ZNF334: variants seen among roughly 807,000 people sequenced by gnomAD.
ZNF334 encodes the protein zinc finger protein 334.
A neutral mutation model predicts 12.4 loss-of-function variants in ZNF334; 14 were observed. The ratio of observed to expected loss-of-function variants is 1.13; its 90% CI spans 0.74 to 1.76. ZNF334 has a LOEUF of 1.76. Ranked by LOEUF, ZNF334 falls within the 40% of genes most tolerant of loss-of-function variation. ZNF334 has a pLI of 0.00. For missense variants in ZNF334, 797 were observed against 804.5 expected, an observed-to-expected ratio of 0.99 and a Z score of 0.11; for synonymous variants, 273 against 269.6, an observed-to-expected ratio of 1.01 and a Z score of -0.12.
At chr20:46,478,837 T>C in the ZNF334 span, among the ~76,000 whole-genome samples, 1 of 152,098 alleles carries the variant, frequency 6.6e-6, no homozygotes, top group South Asian at 2.1e-4. Flanking sequence ...TTTCACCCCG[T>C]TGGGTCTTTG....
chr20:46,485,535 G>A, the ZNF334 span: 208 of 152,022 alleles, frequency 1.4e-3, no homozygotes, highest in African/African-American at 3.9e-3. Flanking sequence ...TTACCATCTA[G>A]TTGGAAAGAG....
At chr20:46,484,015 A>C in the ZNF334 span, among the ~76,000 whole-genome samples, 1 of 152,224 alleles carries the variant, frequency 6.6e-6, no homozygotes, top group African/African-American at 2.4e-5. Context: ...TGACTGATTT[A>C]TAATACTGGT....
Position 46,502,263 on chromosome 20 carries a change from C to A in ZNF334, c.1076G>T (p.Ser359Ile). The change falls in exon 5 of 5, where the codon AGC becomes ATC. Residue 359 changes from serine to isoleucine, a missense_variant. Physicochemically the swap from Ser to Ile is moderately radical, Grantham distance 142. Transcript: ENST00000692313. The stretch of plus-strand genomic sequence containing the variant: ...ATGTACAACAAGATACGATTTCTTG[C>A]TGAAGGCATTTCCACATTCCTTGCA... ...YECKECGNAF[S>I]KKSYLVVHQR... 16 of 1,614,060 alleles carry A rather than the reference C, an allele frequency of 9.9e-6. No individual in the cohort carries two copies. The highest frequency in any genetic ancestry group is 1.3e-5 in the Non-Finnish European group (15 of 1,179,990).
intron 2 of ZNF334, among the ~76,000 whole-genome samples, chr20:46,510,970 T>C (rs555146110): frequency 5.3e-5 from 8 of 151,516 alleles, no homozygotes; most frequent in African/African-American, 1.5e-4. Flanking sequence ...GAGGCAGAAA[T>C]ACCTCAGAGC....
At chr20:46,485,437 T>C in the ZNF334 span, 1 of 144,928 alleles carries the variant, frequency 6.9e-6, no homozygotes, top group African/African-American at 2.6e-5. Context: ...AAGGTTTTTT[T>C]TGTTTTTTTT....
At chr20:46,511,229 TAA>T (rs11288508) in intron 2 of ZNF334, among the ~76,000 whole-genome samples, 3,601 of 132,080 alleles carry the variant, frequency 0.027, 137 homozygotes, top group African/African-American at 0.09. Flanking sequence ...TCATCTCAAT[TAA>T]AAAAAAAAAA....
At chr20:46,476,179 T>A in the ZNF334 span, 1 of 152,220 alleles carries the variant, frequency 6.6e-6, no homozygotes, top group East Asian at 1.9e-4. Context: ...AATATTTATA[T>A]AACATTCTTG....
chr20:46,481,480 T>C, the ZNF334 span: 3 of 152,362 alleles, frequency 2.0e-5, no homozygotes, highest in South Asian at 6.2e-4. Context: ...AGAGGAGTCA[T>C]TAGCACAGGT....
chr20:46,482,956 A>G, the ZNF334 span, among the ~76,000 whole-genome samples: 1 of 152,114 alleles, frequency 6.6e-6, no homozygotes, highest in Non-Finnish European at 1.5e-5. Flanking sequence ...ACATATTCTT[A>G]AACTTTAAGA....
At chr20:46,491,407 A>C in the ZNF334 span, 1 of 152,732 alleles carries the variant, frequency 6.5e-6, no homozygotes, top group African/African-American at 2.4e-5. Flanking sequence ...AATATTATAC[A>C]TGTAATTATT....
chr20:46,502,680 T>A lies in ZNF334; in HGVS notation c.659A>T (p.Lys220Met). The A allele has an allele frequency of 6.2e-7, 1 of 1,612,800 alleles. No individual in the cohort carries two copies. Among genetic ancestry groups the A allele is most frequent in the Non-Finnish European group, 8.5e-7 (1 of 1,179,958 alleles). ...CTTTTGTGTAATGAGAATTGCCCTC[T>A]TGAAGAAGGTTTTCCCACATTTATT... ...DYNKCGKTFFKRAILITQKGR... is the reference protein window; with the variant it reads ...DYNKCGKTFFMRAILITQKGR... The change falls in exon 5 of 5, where the codon AAG (lysine) becomes ATG (methionine). Residue 220 changes from lysine to methionine, a missense_variant. Coordinates refer to ENST00000692313, the MANE Select transcript of ZNF334 (RefSeq NM_001353824.2).
chr20:46,480,668 G>A, the ZNF334 span, among the ~76,000 whole-genome samples: 1 of 152,154 alleles, frequency 6.6e-6, no homozygotes, highest in African/African-American at 2.4e-5. Flanking sequence ...GACCAAAAGA[G>A]CTGAATCCTG....
chr20:46,464,569 G>A, the ZNF334 span: 24 of 418,138 alleles, frequency 5.7e-5, no homozygotes, highest in East Asian at 1.3e-3. Context: ...ATATGCTGTG[G>A]TCTCTGGGCA....
the ZNF334 span, among the ~76,000 whole-genome samples, chr20:46,487,170 T>G: frequency 6.6e-6 from 1 of 152,176 alleles, no homozygotes; most frequent in Non-Finnish European, 1.5e-5. Flanking sequence ...TTTTTGTTGT[T>G]GTTTAAGAAG....
At chr20:46,474,372 C>G in the ZNF334 span, 1 of 132,060 alleles carries the variant, frequency 7.6e-6, no homozygotes, top group African/African-American at 3.3e-5. Flanking sequence ...AGAGTGAGAC[C>G]GTATCTCAAA....
chr20:46,488,395 A>G, the ZNF334 span, among the ~76,000 whole-genome samples: 1 of 139,986 alleles, frequency 7.1e-6, no homozygotes, highest in African/African-American at 2.8e-5. Flanking sequence ...TGTAGAGTGT[A>G]AGAATTATAC....
the ZNF334 span, among the ~76,000 whole-genome samples, chr20:46,471,304 T>G: frequency 6.6e-6 from 1 of 152,206 alleles, no homozygotes; most frequent in East Asian, 1.9e-4. Context: ...ATTTTTAAAA[T>G]TGGGTTGTCT....
Position 46,501,246 on chromosome 20 carries a change from G to A in ZNF334, c.*50C>T, listed in dbSNP as rs1568848912. On this transcript the variant is annotated 3_prime_UTR_variant, in exon 5 of 5. Coordinates refer to ENST00000692313, the MANE Select transcript of ZNF334 (RefSeq NM_001353824.2). ...ATACATACTCACAGTTTAGCATTGT[G>A]TAAGTTATTTGATTTGTTGCTTTGT... The A allele has an allele frequency of 1.3e-6, 2 of 1,570,932 alleles. No homozygotes were observed. The highest frequency in any genetic ancestry group is 4.5e-5 in the East Asian group (2 of 44,616).
At chr20:46,497,680 A>G (rs141897654), downstream of ZNF334, among the ~76,000 whole-genome samples, 23 of 152,394 alleles carry the variant, frequency 1.5e-4, no homozygotes, top group Middle Eastern at 0.01. Context: ...GTAGTGAAAG[A>G]CAAATGGGAA....
Sources: allele counts gnomAD v4.1 joint callset (sites outside exome capture counted in the v4.1 genomes callset), GRCh38; gene constraint gnomAD v4.1.1; transcripts MANE v1.5; gene names NCBI Gene and HGNC (gene_info 2026-07-23, HGNC 2026-07-21).